The following SLC35D1 variants were observed in gnomAD, a reference collection of about 807,000 sequenced individuals.
SLC35D1 encodes the protein nucleotide sugar transporter SLC35D1.
SLC35D1 carries 31 observed loss-of-function variants against 46.7 expected under a neutral mutation model. The ratio of observed to expected loss-of-function variants is 0.66; its 90% confidence interval spans 0.50 to 0.90. SLC35D1 has a LOEUF of 0.90. Among genes scored for constraint, SLC35D1 ranks in the 40% least tolerant of loss-of-function variants. SLC35D1 has a pLI of 0.00. For missense variants in SLC35D1, 397 were observed against 426.2 expected, an observed-to-expected ratio of 0.93 and a Z score of 0.60; for synonymous variants, 195 against 164.6, an observed-to-expected ratio of 1.18 and a Z score of -1.41.
chr1:67,051,516 A>C (rs751367135), intron 4 of SLC35D1, among the ~76,000 whole-genome samples: 9 of 152,222 alleles, frequency 5.9e-5, no homozygotes, highest in Non-Finnish European at 1.2e-4. Context: ...CTCTACAGTT[A>C]CATGCCATGT....
the SLC35D1 span, among the ~76,000 whole-genome samples, chr1:66,977,130 A>G: frequency 6.3e-4 from 93 of 146,854 alleles, no homozygotes; most frequent in African/African-American, 2.2e-3. Context: ...TTTTTTTGAG[A>G]TGTAGTCTCA....
At chr1:67,027,989 C>G (rs1029304033) in intron 8 of SLC35D1, among the ~76,000 whole-genome samples, 3 of 152,168 alleles carry the variant, frequency 2.0e-5, no homozygotes, top group African/African-American at 7.2e-5. Flanking sequence ...ATCTCAGCCT[C>G]TCAAAATGCT....
chr1:66,973,209 T>G, the SLC35D1 span, among the ~76,000 whole-genome samples: 143 of 152,212 alleles, frequency 9.4e-4, no homozygotes, highest in Middle Eastern at 3.4e-3. Flanking sequence ...TGCAGGTGTT[T>G]AAGAATTGTA....
rs1667382234 is a variant in SLC35D1 at position 67,003,389 on chromosome 1, G to A, written c.*951C>T. On this transcript the variant is annotated 3_prime_UTR_variant, in exon 12 of 12. Coordinates refer to ENST00000235345, the MANE Select transcript of SLC35D1 (RefSeq NM_015139.3). ...ACCTCATCTCACATTGCAGCATTTG[G>A]ATTCACACTATTGCCGGGTAGGTAG... 1 of 152,276 alleles carries A rather than the reference G, an allele frequency of 6.6e-6. No homozygotes were observed. Among genetic ancestry groups the A allele is most frequent in the Non-Finnish European group, 1.5e-5 (1 of 68,034 alleles). The allele number at this position is 152,276 out of a possible 1,614,324, so 9.4% of individuals were successfully genotyped here.
chr1:66,985,604 TGACTG>T, the SLC35D1 span: 35 of 985,166 alleles, frequency 3.6e-5, no homozygotes, highest in Non-Finnish European at 4.2e-5. Context: ...ACATATGTCT[TGACTG>T]AGCTGTCCTT....
At chr1:66,997,575 A>AGAGATG (rs1667254908), downstream of SLC35D1, among the ~76,000 whole-genome samples, 2 of 132,198 alleles carry the variant, frequency 1.5e-5, no homozygotes, top group African/African-American at 5.6e-5. Flanking sequence ...GTGTGTATAT[A>AGAGATG]TATACACACA....
chr1:67,020,386 T>C lies in SLC35D1; in HGVS notation c.859A>G (p.Ile287Val), dbSNP rs1021925151. 1.9e-6 allele frequency: 3 copies of C among 1,604,176 alleles called. No homozygotes were observed. Among genetic ancestry groups the C allele is most frequent in the Non-Finnish European group, 2.6e-6 (3 of 1,171,048 alleles). Residue 287 changes from isoleucine (I) to valine (V), a missense_variant, in exon 10 of 12, where the codon ATA (isoleucine) becomes GTA (valine). Transcript: ENST00000235345. ...CTACTTACCTTAATACAGCCAACTA[T>C]TGTAGTTGTAAGAGCAGAATTATAC... ...TQYNSALTTT[I>V]VGCIKNILIT...
intron 11 of SLC35D1, among the ~76,000 whole-genome samples, chr1:67,005,389 C>T (rs553500396): frequency 1.7e-4 from 26 of 152,300 alleles, no homozygotes; most frequent in Admixed American, 4.6e-4. Context: ...GGGTGAGAGA[C>T]GCCTAGCTCT....
intron 4 of SLC35D1, among the ~76,000 whole-genome samples, chr1:67,051,785 G>A (rs1645311521): frequency 9.0e-6 from 1 of 111,698 alleles, no homozygotes; most frequent in Non-Finnish European, 2.0e-5. Flanking sequence ...ATCAAAATGA[G>A]GGGTAAAAAA....
At position 67,023,706 on chromosome 1, in the gene SLC35D1, G is replaced by A. The variant is rs375947845; in HGVS notation, c.730-2104C>T. Among the ~76,000 whole-genome samples, 60 of 151,572 alleles carry A rather than the reference G, an allele frequency of 4.0e-4. 1 individual carries two copies. In the East Asian group the frequency reaches 0.011, roughly 28 times the overall value. On this transcript the variant is annotated intron_variant, in intron 8 of 11. Coordinates refer to ENST00000235345, the MANE Select transcript of SLC35D1 (RefSeq NM_015139.3). The stretch of plus-strand genomic sequence containing the variant: ...TCACCATGTTAGCCAGGCTGGTCAC[G>A]AACTCCTGACTTCAAGTGATCCGCC...
At chr1:66,979,576 T>C in the SLC35D1 span, among the ~76,000 whole-genome samples, 18 of 152,308 alleles carry the variant, frequency 1.2e-4, no homozygotes, top group African/African-American at 4.3e-4. Context: ...CAGCATAACT[T>C]TGATTACCTG....
chr1:67,022,674 A>G (rs1365922421), intron 8 of SLC35D1, among the ~76,000 whole-genome samples: 2 of 152,214 alleles, frequency 1.3e-5, no homozygotes, highest in East Asian at 3.8e-4. Flanking sequence ...CTTGACAGAC[A>G]GTTTGTTTAT....
chr1:67,033,711 T>C (rs900788948), intron 8 of SLC35D1, among the ~76,000 whole-genome samples: 1 of 152,192 alleles, frequency 6.6e-6, no homozygotes, highest in African/African-American at 2.4e-5. Flanking sequence ...CTCTGTCCAT[T>C]TTTACTTTGG....
At chr1:66,985,523 C>A in the SLC35D1 span, 1 of 984,472 alleles carries the variant, frequency 1.0e-6, no homozygotes. Flanking sequence ...TTTCCATATT[C>A]TTATCTGGGC....
At chr1:67,049,878 C>T in intron 5 of SLC35D1, 28 bp from the exon 6 acceptor site, 4 of 1,521,178 alleles carry the variant, frequency 2.6e-6, no homozygotes, top group African/African-American at 2.7e-5. Context: ...TTAAAATACA[C>T]ACATGACTTT....
At chr1:66,984,263 T>C in the SLC35D1 span, among the ~76,000 whole-genome samples, 2 of 152,232 alleles carry the variant, frequency 1.3e-5, no homozygotes, top group Non-Finnish European at 2.9e-5. Context: ...CACATATACC[T>C]AATATGCTTT....
At chr1:67,034,205 T>C (rs1057111087) in intron 8 of SLC35D1, among the ~76,000 whole-genome samples, 2 of 152,224 alleles carry the variant, frequency 1.3e-5, no homozygotes, top group African/African-American at 4.8e-5. Flanking sequence ...AATTTTAGGA[T>C]ATTTTTTTCT....
At chr1:66,997,231 C>T (rs369876483), downstream of SLC35D1, among the ~76,000 whole-genome samples, 4 of 152,002 alleles carry the variant, frequency 2.6e-5, no homozygotes, top group Admixed American at 6.6e-5. Flanking sequence ...GATAAAGGGG[C>T]TGGGCACAGC....
intron 10 of SLC35D1, among the ~76,000 whole-genome samples, chr1:67,013,601 T>C (rs1369133546): frequency 4.6e-5 from 7 of 152,092 alleles, no homozygotes; most frequent in Non-Finnish European, 8.8e-5. Context: ...TACTCCTCCT[T>C]CCTCCTCTTT....
Sources: gnomAD v4.1 joint callset for allele counts (sites outside exome capture counted in the v4.1 genomes callset) on GRCh38, gnomAD v4.1.1 for gene constraint, MANE v1.5 for transcripts, NCBI Gene and HGNC (gene_info 2026-07-23, HGNC 2026-07-21) for gene names.